KCNH1: variants seen among roughly 807,000 people sequenced by gnomAD.
KCNH1 encodes the protein voltage-gated delayed rectifier potassium channel KCNH1.
A neutral mutation model predicts 69.2 loss-of-function variants in KCNH1; 27 were observed. That is an observed-to-expected ratio of 0.39 (90% CI 0.29 to 0.54). The LOEUF (loss-of-function observed/expected upper bound fraction) is 0.54, where lower values mean the gene tolerates loss of function less well. KCNH1 is among the 20% of genes least tolerant of loss of function. The pLI is 0.68. For missense variants in KCNH1, 798 were observed against 1,261.6 expected, an observed-to-expected ratio of 0.63 and a Z score of 5.57; for synonymous variants, 456 against 487.7, an observed-to-expected ratio of 0.93 and a Z score of 0.86.
chr1:211,061,121 G>A (rs1020804139), intron 5 of KCNH1, among the ~76,000 whole-genome samples: 2 of 152,122 alleles, frequency 1.3e-5, no homozygotes, highest in African/African-American at 4.8e-5. Flanking sequence ...ATGACCAAGA[G>A]AGATTTATGC....
chr1:211,075,187 A>C (rs115389034), intron 5 of KCNH1, among the ~76,000 whole-genome samples: 1,876 of 152,260 alleles, frequency 0.012, 34 homozygotes, highest in African/African-American at 0.042. Context: ...CTCCTTTAGT[A>C]TCCTTTCTAT....
intron 7 of KCNH1, among the ~76,000 whole-genome samples, chr1:210,900,749 C>T (rs985763185): frequency 6.6e-6 from 1 of 152,126 alleles, no homozygotes; most frequent in South Asian, 2.1e-4. Flanking sequence ...AATCTTTGTA[C>T]ACAATGGTTA....
At position 211,094,379 on chromosome 1, in the gene KCNH1, T is replaced by C. The variant is rs566907423; in HGVS notation, c.311-3689A>G. Among the ~76,000 whole-genome samples the C allele has an allele frequency of 2.3e-3, 356 of 152,344 alleles. 1 individual carries two copies. Among genetic ancestry groups the C allele is most frequent in the African/African-American group, 7.7e-3 (321 of 41,586 alleles). On this transcript the variant is annotated intron_variant, in intron 3 of 10. Transcript: ENST00000271751. The stretch of plus-strand genomic sequence containing the variant: ...AACAGGCCATGGACTGGTAGCAGTC[T>C]GTGGCCTGGGAGCTAGGGACCCCTG...
intron 7 of KCNH1, among the ~76,000 whole-genome samples, chr1:210,907,091 C>T (rs1687118276): frequency 1.3e-5 from 2 of 152,120 alleles, no homozygotes; most frequent in Admixed American, 6.5e-5. Flanking sequence ...AGATAATCAA[C>T]CATAAATTTA....
intron 5 of KCNH1, among the ~76,000 whole-genome samples, chr1:211,071,589 T>C (rs1322961561): frequency 6.6e-6 from 1 of 152,238 alleles, no homozygotes; most frequent in African/African-American, 2.4e-5. Context: ...CTGTAAATGT[T>C]GTTTGTGTGG....
intron 6 of KCNH1, among the ~76,000 whole-genome samples, chr1:210,925,325 G>A (rs1458410515): frequency 6.6e-6 from 1 of 152,206 alleles, no homozygotes; most frequent in Non-Finnish European, 1.5e-5. Context: ...GTGAACTTTT[G>A]CTCCAAGAAC....
chr1:210,784,498 T>C (rs959824484), intron 9 of KCNH1, among the ~76,000 whole-genome samples: 1 of 152,146 alleles, frequency 6.6e-6, no homozygotes, highest in Non-Finnish European at 1.5e-5. Context: ...CTGATTGTGT[T>C]GGGGTGTCAA....
chr1:210,867,385 A>C (rs1285477965), intron 7 of KCNH1, among the ~76,000 whole-genome samples: 1 of 151,052 alleles, frequency 6.6e-6, no homozygotes, highest in East Asian at 1.9e-4. Context: ...ATATGTGTCC[A>C]AAGCAAATTC....
intron 10 of KCNH1, among the ~76,000 whole-genome samples, chr1:210,761,565 G>A (rs1683522275): frequency 6.6e-6 from 1 of 152,016 alleles, no homozygotes; most frequent in Non-Finnish European, 1.5e-5. Context: ...CTGCACAAAT[G>A]GAAAACATAA....
chr1:210,849,091 T>G (rs1359397525), intron 7 of KCNH1, among the ~76,000 whole-genome samples: 1 of 152,236 alleles, frequency 6.6e-6, no homozygotes, highest in Non-Finnish European at 1.5e-5. Context: ...GATGTGAGCA[T>G]TGGAACCTGG....
intron 7 of KCNH1, among the ~76,000 whole-genome samples, chr1:210,844,940 CTAT>C (rs1685504296): frequency 6.6e-6 from 1 of 152,134 alleles, no homozygotes; most frequent in Non-Finnish European, 1.5e-5. Context: ...TCAGAGAATA[CTAT>C]AAACACCTCT....
At chr1:210,837,440 G>T (rs114370913) in intron 7 of KCNH1, among the ~76,000 whole-genome samples, 1 of 152,148 alleles carries the variant, frequency 6.6e-6, no homozygotes, top group Admixed American at 6.6e-5. Flanking sequence ...GATTAGTGCA[G>T]TACCTGGCAC....
chr1:210,686,759 C>T (rs1681417254), intron 10 of KCNH1, among the ~76,000 whole-genome samples: 1 of 152,212 alleles, frequency 6.6e-6, no homozygotes, highest in African/African-American at 2.4e-5. Context: ...TTGTAAGCAA[C>T]AATTCCTGAA....
chr1:210,775,790 T>C (rs1420354982), intron 9 of KCNH1, among the ~76,000 whole-genome samples: 1 of 152,208 alleles, frequency 6.6e-6, no homozygotes, highest in Non-Finnish European at 1.5e-5. Flanking sequence ...TGTCACCTCC[T>C]CAAAGGGTTA....
chr1:211,011,019 A>G lies in KCNH1; in HGVS notation c.1032+7764T>C, dbSNP rs939906075. On this transcript the variant is annotated intron_variant, in intron 6 of 10. Coordinates refer to ENST00000271751, the MANE Select transcript of KCNH1 (RefSeq NM_172362.3). ...TCATACTTTAAGCTCTGGGATACAC[A>G]TGCAGAACATGCAGGTTTGTTACAT... Among the ~76,000 whole-genome samples, 22 of 152,162 alleles carry G rather than the reference A, an allele frequency of 1.4e-4. 1 individual carries two copies. In the South Asian group the frequency reaches 4.1e-3, roughly 29 times the overall value.
At chr1:210,970,501 T>C (rs1175247258) in intron 6 of KCNH1, among the ~76,000 whole-genome samples, 1 of 152,178 alleles carries the variant, frequency 6.6e-6, no homozygotes, top group Non-Finnish European at 1.5e-5. Flanking sequence ...TACAACCATC[T>C]GATCTTCAAC....
At chr1:210,851,737 CT>C (rs1287789294) in intron 7 of KCNH1, among the ~76,000 whole-genome samples, 1 of 152,184 alleles carries the variant, frequency 6.6e-6, no homozygotes, top group Non-Finnish European at 1.5e-5. Flanking sequence ...TGTTACTGTA[CT>C]AAATGCTGTA....
intron 6 of KCNH1, among the ~76,000 whole-genome samples, chr1:210,938,441 T>C (rs757077450): frequency 2.3e-4 from 35 of 152,204 alleles, no homozygotes; most frequent in Middle Eastern, 3.2e-3. Flanking sequence ...AATTAAGTTA[T>C]AAAAATAATT....
At chr1:211,058,638 C>T (rs778889662) in intron 5 of KCNH1, among the ~76,000 whole-genome samples, 9 of 151,920 alleles carry the variant, frequency 5.9e-5, no homozygotes, top group African/African-American at 2.2e-4. Flanking sequence ...AACCCACCAC[C>T]TGAGAAAATC....
Sources: gnomAD v4.1 joint callset for allele counts (sites outside exome capture counted in the v4.1 genomes callset) on GRCh38, gnomAD v4.1.1 for gene constraint, MANE v1.5 for transcripts, NCBI Gene and HGNC (gene_info 2026-07-23, HGNC 2026-07-21) for gene names.